SCMH1: variants seen among roughly 807,000 people sequenced by gnomAD.
SCMH1 encodes the protein Scm polycomb group protein homolog 1, also known as polycomb protein SCMH1.
Under a neutral mutation model 70.8 loss-of-function variants are expected in SCMH1, and 37 were observed. That is an observed-to-expected ratio of 0.52 (90% confidence interval 0.40 to 0.69). The LOEUF is 0.69. Ranked by LOEUF, SCMH1 falls within the 30% of genes least tolerant of loss-of-function variation. The pLI is 0.00. For synonymous variants in SCMH1, 292 were observed against 307.4 expected, an observed-to-expected ratio of 0.95 and a Z score of 0.52; for missense variants, 607 against 827.3, an observed-to-expected ratio of 0.73 and a Z score of 3.27.
intron 1 of SCMH1, among the ~76,000 whole-genome samples, chr1:41,193,906 T>G (rs759669421): frequency 6.6e-6 from 1 of 152,236 alleles, no homozygotes; most frequent in African/African-American, 2.4e-5. Context: ...TAAAGGGGTT[T>G]TAACACTTTT....
At chr1:41,056,225 G>C (rs1052770335) in intron 10 of SCMH1, among the ~76,000 whole-genome samples, 2 of 152,324 alleles carry the variant, frequency 1.3e-5, no homozygotes, top group South Asian at 2.1e-4. Context: ...CAAAGCCCAA[G>C]TTATCCTTTG....
At chr1:41,093,127 T>C (rs1664108384) in intron 8 of SCMH1, among the ~76,000 whole-genome samples, 1 of 152,014 alleles carries the variant, frequency 6.6e-6, no homozygotes. Context: ...CCAACCCAAA[T>C]GTCCATCAAT....
At chr1:41,124,625 T>C (rs531534954) in intron 6 of SCMH1, among the ~76,000 whole-genome samples, 262 of 148,308 alleles carry the variant, frequency 1.8e-3, no homozygotes, top group Non-Finnish European at 2.9e-3. Flanking sequence ...TTATTTATTT[T>C]GAGACAGGGT....
intron 2 of SCMH1, among the ~76,000 whole-genome samples, chr1:41,167,421 T>C (rs549171733): frequency 1.3e-5 from 2 of 152,190 alleles, no homozygotes; most frequent in Admixed American, 6.5e-5. Flanking sequence ...TTCAACTTTC[T>C]GGAAGAGTTT....
Position 41,033,660 on chromosome 1 carries a change from C to T in SCMH1, c.1678+3702G>A, listed in dbSNP as rs148527578. Among the ~76,000 whole-genome samples the T allele has an allele frequency of 8.5e-5, 13 of 152,270 alleles. No homozygotes were observed. In the East Asian group the frequency reaches 2.3e-3, roughly 27 times the overall value. ...GCAGTTGAGGCACATCCACAAGAGG[C>T]CAACTAACAAGCTCATGCCTAATCA... On this transcript the variant is annotated intron_variant, in intron 13 of 14. Transcript: ENST00000337495.
chr1:41,065,869 C>T (rs764277865), intron 10 of SCMH1, among the ~76,000 whole-genome samples: 5 of 152,128 alleles, frequency 3.3e-5, no homozygotes, highest in Admixed American at 6.5e-5. Flanking sequence ...CCTAGACGAT[C>T]ACATAGGAGA....
Position 41,063,994 on chromosome 1 carries a change from C to CG in SCMH1, c.1105+6600_1105+6601insC, listed in dbSNP as rs1571688743. On this transcript the variant is annotated intron_variant, in intron 10 of 14. Transcript: ENST00000337495. ...TATTTTATCAAGCCAGCATTGTCCT[C>CG]AACAAAGTATTATCAAATCAAATTG... is the stretch of plus-strand genomic sequence containing the variant. Among the ~76,000 whole-genome samples, 4 of 152,204 alleles carry CG rather than the reference C, an allele frequency of 2.6e-5. No homozygotes were observed. In the East Asian group the frequency reaches 7.7e-4, roughly 29 times the overall value.
At chr1:41,229,052 C>T (rs1399874136) in intron 1 of SCMH1, among the ~76,000 whole-genome samples, 1 of 152,068 alleles carries the variant, frequency 6.6e-6, no homozygotes, top group Non-Finnish European at 1.5e-5. Context: ...AAAAACTAGC[C>T]AGGCATGATG....
chr1:41,154,268 G>A (rs529129938), intron 4 of SCMH1, among the ~76,000 whole-genome samples: 1 of 152,260 alleles, frequency 6.6e-6, no homozygotes, highest in Non-Finnish European at 1.5e-5. Context: ...ATTTTCCAAG[G>A]CTCCCTAGGT....
intron 2 of SCMH1, among the ~76,000 whole-genome samples, chr1:41,182,315 G>T (rs140558179): frequency 6.6e-6 from 1 of 152,110 alleles, no homozygotes; most frequent in Non-Finnish European, 1.5e-5. Context: ...TAACCTGCAC[G>T]TTGTGCACAT....
At chr1:41,121,988 C>T (rs1414647385) in intron 6 of SCMH1, among the ~76,000 whole-genome samples, 2 of 152,176 alleles carry the variant, frequency 1.3e-5, no homozygotes, top group Non-Finnish European at 2.9e-5. Context: ...TTCACCATCT[C>T]TACTGCTATA....
In SCMH1 at chr1:41,112,434, A is replaced by G. The variant is rs144657706; in HGVS notation, c.745+849T>C. On this transcript the variant is annotated intron_variant, in intron 8 of 14. Transcript: ENST00000337495. ...ACTAAAAGCAGCTACCTCAAAATCT[A>G]TTCTGGACCTTCTCCACTGTCATCA... Among the ~76,000 whole-genome samples the G allele has an allele frequency of 5.4e-3, 819 of 152,260 alleles. 3 individuals are homozygous for G. Among genetic ancestry groups the G allele is most frequent in the African/African-American group, 0.018 (756 of 41,564 alleles).
chr1:41,081,642 C>A (rs2148949209), intron 8 of SCMH1, among the ~76,000 whole-genome samples: 1 of 152,070 alleles, frequency 6.6e-6, no homozygotes, highest in East Asian at 1.9e-4. Context: ...CATAGCATGA[C>A]CCAGTCTCTA....
Position 41,113,277 on chromosome 1 carries a change from C to A in SCMH1, c.745+6G>T. The A allele has an allele frequency of 6.2e-7, 1 of 1,612,734 alleles. No individual in the cohort carries two copies. Among genetic ancestry groups the A allele is most frequent in the South Asian group, 1.1e-5 (1 of 90,910 alleles). On this transcript the variant is annotated splice_donor_region_variant and intron_variant, in intron 8 of 14. Transcript: ENST00000337495. This position sits in a 1 kb window ranked among gnomAD's most constrained non-coding sequence, Gnocchi z 4.3. ...TGATTTCAAGAGCACGTAGATGGGC[C>A]TTTACCTTTGGTGCCAGGAGGCTGC...
intron 10 of SCMH1, among the ~76,000 whole-genome samples, chr1:41,052,697 A>G (rs1648649837): frequency 6.6e-6 from 1 of 152,238 alleles, no homozygotes; most frequent in Admixed American, 6.5e-5. Context: ...TAAAACACTG[A>G]GTGAAATAAA....
In SCMH1 at chr1:41,042,913, G is replaced by GA. The variant is rs760438207; in HGVS notation, c.1498+3493dup. Among the ~76,000 whole-genome samples, 24 of 149,562 alleles carry GA rather than the reference G, an allele frequency of 1.6e-4. 1 individual carries two copies. Among genetic ancestry groups the GA allele is most frequent in the Admixed American group, 4.7e-4 (7 of 15,018 alleles). ...TGCCAATGTCACGTCGTGAAAGATAGAAAAAAAAAGGTGGATAACTGTTCT... is the reference window on the plus strand; with the variant it reads ...TGCCAATGTCACGTCGTGAAAGATAGAAAAAAAAAAGGTGGATAACTGTTCT... On this transcript the variant is annotated intron_variant, in intron 12 of 14. Transcript: ENST00000337495.
rs192958293 is a variant in SCMH1 at position 41,056,767 on chromosome 1, A to C, written c.1106-7877T>G. 2.0e-4 allele frequency among the ~76,000 whole-genome samples: 30 copies of C among 152,336 alleles called. 1 individual carries two copies. The highest frequency in any genetic ancestry group is 3.4e-3 in the Middle Eastern group (1 of 294). The stretch of plus-strand genomic sequence containing the variant: ...GCTCAGTGTGAAGAAGTTTGAGATT[A>C]AAACTCCAGGGAGTCCCAGTCACTG... On this transcript the variant is annotated intron_variant, in intron 10 of 14. Coordinates refer to ENST00000337495, the Ensembl canonical transcript of SCMH1.
intron 4 of SCMH1, chr1:41,152,733 C>T: frequency 6.2e-7 from 1 of 1,607,826 alleles, no homozygotes; most frequent in Non-Finnish European, 8.5e-7. Context: ...ATGCAAAAAG[C>T]ACTAGATGCT....
At chr1:41,098,957 A>C in intron 8 of SCMH1, 1 of 273,842 alleles carries the variant, frequency 3.7e-6, no homozygotes, top group South Asian at 5.1e-5. Flanking sequence ...AGAAGACAAC[A>C]ACACACTTGT....
Sources: allele counts gnomAD v4.1 joint callset (sites outside exome capture counted in the v4.1 genomes callset), GRCh38; gene constraint gnomAD v4.1.1; non-coding constraint Gnocchi (gnomAD v3.1); transcripts MANE v1.5; gene names NCBI Gene and HGNC (gene_info 2026-07-23, HGNC 2026-07-21).